NAV3: variants seen among roughly 807,000 people sequenced by gnomAD.
NAV3 encodes the protein neuron navigator 3, also known as pore membrane and/or filament interacting like protein 1.
Under a neutral mutation model 244.7 loss-of-function variants are expected in NAV3, and 87 were observed. The ratio of observed to expected loss-of-function variants is 0.36; its 90% CI spans 0.30 to 0.42. The LOEUF is 0.42. NAV3 is among the 20% of genes least tolerant of loss of function. NAV3 has a pLI of 1.00. For synonymous variants in NAV3, 1,126 were observed against 1,042.2 expected (o/e 1.08, Z -1.55); for missense variants, 2,663 against 2,893.3 (o/e 0.92, Z 1.83).
At chr12:77,741,951 G>A (rs547157542) in intron 2 of NAV3, among the ~76,000 whole-genome samples, 2 of 152,038 alleles carry the variant, frequency 1.3e-5, no homozygotes, top group South Asian at 2.1e-4. Flanking sequence ...TATTTAATTT[G>A]TATTCCTTTA....
intron 2 of NAV3, among the ~76,000 whole-genome samples, chr12:77,638,474 G>A (rs1872253331): frequency 6.6e-6 from 1 of 152,202 alleles, no homozygotes; most frequent in Non-Finnish European, 1.5e-5. Context: ...CAGCAAAGCA[G>A]TGCTGCATCT....
chr12:77,576,766 A>T (rs1027052627), intron 2 of NAV3, among the ~76,000 whole-genome samples: 1 of 152,088 alleles, frequency 6.6e-6, no homozygotes, highest in Admixed American at 6.6e-5. Context: ...ATAAAAAAAG[A>T]AAGTTTAGTG....
At chr12:78,148,117 C>CAT (rs1956934559) in intron 21 of NAV3, among the ~76,000 whole-genome samples, 1 of 151,972 alleles carries the variant, frequency 6.6e-6, no homozygotes, top group African/African-American at 2.4e-5. Context: ...TTAGAATATA[C>CAT]ATTATATTGG....
intron 1 of NAV3, among the ~76,000 whole-genome samples, chr12:77,854,360 T>A (rs535441105): frequency 6.6e-6 from 1 of 152,314 alleles, no homozygotes; most frequent in African/African-American, 2.4e-5. Context: ...TTTGAATAAA[T>A]CTGCATAAAT....
At chr12:78,071,632 T>C (rs1593467391) in intron 12 of NAV3, among the ~76,000 whole-genome samples, 1 of 152,074 alleles carries the variant, frequency 6.6e-6, no homozygotes, top group Non-Finnish European at 1.5e-5. Context: ...CTTTAATCCA[T>C]CTTGAATTGA....
intron 34 of NAV3, among the ~76,000 whole-genome samples, chr12:78,192,417 T>A (rs916371253): frequency 2.2e-4 from 34 of 151,516 alleles, no homozygotes; most frequent in South Asian, 4.1e-4. Context: ...TTATTTATTT[T>A]TTTTTTGAGA....
intron 5 of NAV3, among the ~76,000 whole-genome samples, chr12:77,986,277 G>T (rs926824167): frequency 2.6e-5 from 4 of 152,120 alleles, no homozygotes; most frequent in Admixed American, 6.5e-5. Context: ...CAGGAGAATC[G>T]CTTGAACCTG....
At chr12:77,862,888 A>G (rs1473825360) in intron 1 of NAV3, among the ~76,000 whole-genome samples, 2 of 151,716 alleles carry the variant, frequency 1.3e-5, no homozygotes, top group Non-Finnish European at 3.0e-5. Flanking sequence ...GTCATATTCA[A>G]TTTTGGAAGG....
At chr12:77,673,949 AT>A (rs1242000937) in intron 2 of NAV3, among the ~76,000 whole-genome samples, 1 of 152,138 alleles carries the variant, frequency 6.6e-6, no homozygotes, top group Non-Finnish European at 1.5e-5. Flanking sequence ...TACACTGCAT[AT>A]GTTTTTGTTA....
chr12:78,210,638 T>C lies in NAV3; in HGVS notation c.*121T>C. 8.2e-7 allele frequency: 1 copy of C among 1,224,002 alleles called. No individual in the cohort carries two copies. Among genetic ancestry groups the C allele is most frequent in the Non-Finnish European group, 1.1e-6 (1 of 889,970 alleles). 75.8% of individuals were successfully genotyped at this position (1,224,002 alleles called of 1,614,324 possible). On this transcript the variant is annotated 3_prime_UTR_variant, in exon 40 of 40. Coordinates refer to ENST00000397909, the MANE Select transcript of NAV3 (RefSeq NM_001024383.2). ...TGTCAAGGGCCCTGACCCAGAGTTG[T>C]GGTCTCCAAGGAGGCAGCAGAACTA... is the stretch of plus-strand genomic sequence containing the variant.
chr12:77,961,984 T>C (rs1892068570), intron 3 of NAV3, among the ~76,000 whole-genome samples: 1 of 152,154 alleles, frequency 6.6e-6, no homozygotes, highest in African/African-American at 2.4e-5. Context: ...ATTTATTTAA[T>C]TCTAAATCTA....
chr12:78,063,731 T>C (rs890031893), intron 12 of NAV3, among the ~76,000 whole-genome samples: 1 of 152,108 alleles, frequency 6.6e-6, no homozygotes. Flanking sequence ...AGCAGGGTCT[T>C]AAAGAAAGCA....
intron 1 of NAV3, 93 bp downstream of exon 1, chr12:77,831,797 T>C (rs1205470693): frequency 1.5e-6 from 2 of 1,374,084 alleles, no homozygotes; most frequent in Admixed American, 2.4e-5. Context: ...TGGGGAGTAG[T>C]AGAGGAATAC....
intron 2 of NAV3, among the ~76,000 whole-genome samples, chr12:77,744,190 A>T (rs2137410426): frequency 1.3e-5 from 2 of 152,112 alleles, no homozygotes; most frequent in African/African-American, 4.8e-5. Context: ...TACAGTTATT[A>T]AAACAGTGTG....
intron 1 of NAV3, among the ~76,000 whole-genome samples, chr12:77,881,505 C>A (rs964640069): frequency 8.5e-5 from 13 of 152,098 alleles, no homozygotes; most frequent in Non-Finnish European, 1.8e-4. Context: ...AGCTATTCTT[C>A]TTGAAAACTG....
chr12:78,081,843 G>C (rs1368730479), intron 12 of NAV3, among the ~76,000 whole-genome samples: 1 of 152,148 alleles, frequency 6.6e-6, no homozygotes, highest in Non-Finnish European at 1.5e-5. Flanking sequence ...ACACCACAAA[G>C]ATAAACTTTC....
intron 1 of NAV3, among the ~76,000 whole-genome samples, chr12:77,878,249 T>C (rs189686353): frequency 1.3e-5 from 2 of 152,124 alleles, no homozygotes; most frequent in African/African-American, 4.8e-5. Flanking sequence ...TTTTTTGAGA[T>C]GGTGTCTTGC....
chr12:77,576,666 T>A (rs1869099544), intron 2 of NAV3, among the ~76,000 whole-genome samples: 1 of 152,138 alleles, frequency 6.6e-6, no homozygotes, highest in Non-Finnish European at 1.5e-5. Context: ...TTCTTCAGAT[T>A]ATTCTTGCAG....
chr12:78,030,606 C>A (rs1252059642), intron 9 of NAV3, among the ~76,000 whole-genome samples: 4 of 152,160 alleles, frequency 2.6e-5, no homozygotes, highest in Non-Finnish European at 2.9e-5. Context: ...CTCCATCAGT[C>A]TTTTCAGTAA....
Sources: gnomAD v4.1 joint callset for allele counts (sites outside exome capture counted in the v4.1 genomes callset) on GRCh38, gnomAD v4.1.1 for gene constraint, MANE v1.5 for transcripts, NCBI Gene and HGNC (gene_info 2026-07-23, HGNC 2026-07-21) for gene names.